Variants in NTRK2 observed in about 807,000 individuals in gnomAD.
NTRK2 encodes the protein BDNF/NT-3 growth factors receptor.
NTRK2 carries 13 observed loss-of-function variants against 94.5 expected under a neutral mutation model. That is an observed-to-expected ratio of 0.14 (90% CI 0.09 to 0.22). The LOEUF (loss-of-function observed/expected upper bound fraction) is 0.22, where lower values mean the gene tolerates loss of function less well. Among genes scored for constraint, NTRK2 ranks in the 10% least tolerant of loss-of-function variants. NTRK2 has a pLI of 1.00. For missense variants in NTRK2, 639 were observed against 1,071.2 expected (o/e 0.60, Z 5.63); for synonymous variants, 372 against 407.4 (o/e 0.91, Z 1.05).
At chr9:84,668,641 C>G (rs932903653), upstream of NTRK2, 3 of 152,274 alleles carry the variant, frequency 2.0e-5, no homozygotes, top group Non-Finnish European at 4.4e-5. Context: ...CCCGACCCTC[C>G]CGGATCGCCT....
chr9:84,699,628 G>A (rs775664559), intron 2 of NTRK2, among the ~76,000 whole-genome samples: 15 of 149,706 alleles, frequency 1.0e-4, no homozygotes, highest in South Asian at 2.1e-4. Flanking sequence ...TTGGACACTG[G>A]TGACTAGAAA....
chr9:84,850,082 A>G (rs1383683757), intron 12 of NTRK2, among the ~76,000 whole-genome samples: 2 of 152,332 alleles, frequency 1.3e-5, no homozygotes, highest in East Asian at 3.9e-4. Flanking sequence ...CCAAATGTCA[A>G]TGGAGGTATT....
chr9:84,798,784 C>T (rs144330507), intron 12 of NTRK2, among the ~76,000 whole-genome samples: 30 of 152,168 alleles, frequency 2.0e-4, no homozygotes, highest in African/African-American at 7.2e-4. Flanking sequence ...CTGTTTCATT[C>T]ATTTGCAACT....
intron 14 of NTRK2, among the ~76,000 whole-genome samples, chr9:84,870,524 T>C (rs1252536446): frequency 6.6e-6 from 1 of 151,002 alleles, no homozygotes; most frequent in Non-Finnish European, 1.5e-5. Flanking sequence ...TTTTTCGTTT[T>C]CATTTTTTGT....
chr9:84,831,577 C>T (rs751977258), intron 12 of NTRK2, among the ~76,000 whole-genome samples: 3 of 152,198 alleles, frequency 2.0e-5, no homozygotes, highest in Non-Finnish European at 2.9e-5. Context: ...ATCCTCACAA[C>T]ATTCCTGTGA....
Position 84,804,739 on chromosome 9 carries a change from A to G in NTRK2, c.1396+52654A>G, listed in dbSNP as rs2070907138. 2.6e-5 allele frequency among the ~76,000 whole-genome samples: 4 copies of G among 152,344 alleles called. 1 individual carries two copies. The South Asian group carries it at 8.3e-4, about 32-fold the overall frequency. ...ATTGCTTATCTGTACTGACTATTTG[A>G]ATCACTGATAAGCCCCTCTAGACTT... On this transcript the variant is annotated intron_variant, in intron 12 of 18. Coordinates refer to ENST00000277120, the MANE Select transcript of NTRK2 (RefSeq NM_006180.6).
chr9:84,802,458 A>G (rs35353212), intron 12 of NTRK2, among the ~76,000 whole-genome samples: 7,157 of 152,322 alleles, frequency 0.047, 239 homozygotes, highest in Non-Finnish European at 0.069. Flanking sequence ...GTTGCTGTGT[A>G]AAACCACTGA....
intron 8 of NTRK2, among the ~76,000 whole-genome samples, chr9:84,726,985 C>T (rs1446265092): frequency 1.3e-5 from 2 of 152,150 alleles, no homozygotes; most frequent in African/African-American, 4.8e-5. Flanking sequence ...GGACCCCAAA[C>T]ATTTAAAAGA....
At chr9:84,910,936 T>A (rs1207021578) in intron 14 of NTRK2, among the ~76,000 whole-genome samples, 1 of 152,232 alleles carries the variant, frequency 6.6e-6, no homozygotes, top group African/African-American at 2.4e-5. Flanking sequence ...TACAAAAGAT[T>A]TCACTGGGAT....
chr9:84,690,658 G>A (rs1205073837), intron 2 of NTRK2, among the ~76,000 whole-genome samples: 3 of 151,838 alleles, frequency 2.0e-5, no homozygotes, highest in Non-Finnish European at 2.9e-5. Flanking sequence ...GGTGGAGCTT[G>A]CAGTGAGCCA....
chr9:84,947,201 C>T (rs2078627226), intron 15 of NTRK2, among the ~76,000 whole-genome samples: 1 of 152,128 alleles, frequency 6.6e-6, no homozygotes, highest in Non-Finnish European at 1.5e-5. Flanking sequence ...GGTGATCTGC[C>T]CGCCTCAGCC....
At chr9:84,928,552 T>C (rs1485453992) in intron 14 of NTRK2, among the ~76,000 whole-genome samples, 1 of 152,188 alleles carries the variant, frequency 6.6e-6, no homozygotes, top group Non-Finnish European at 1.5e-5. Flanking sequence ...TGAATCAGTG[T>C]CCTCTATTTC....
At chr9:84,752,427 A>G (rs2064714104) in intron 12 of NTRK2, among the ~76,000 whole-genome samples, 1 of 152,212 alleles carries the variant, frequency 6.6e-6, no homozygotes, top group Admixed American at 6.5e-5. Context: ...ACCTGGACAC[A>G]TGTATTTTGT....
At chr9:84,737,068 C>T (rs2063313005) in intron 9 of NTRK2, among the ~76,000 whole-genome samples, 1 of 152,166 alleles carries the variant, frequency 6.6e-6, no homozygotes, top group Non-Finnish European at 1.5e-5. Context: ...ATCACATGAT[C>T]ACATTAAATA....
intron 14 of NTRK2, chr9:84,874,382 A>G (rs2075989852): frequency 9.4e-7 from 1 of 1,065,284 alleles, no homozygotes; most frequent in African/African-American, 1.6e-5. Context: ...TCCCTGGGAA[A>G]TGCAGCTTTT....
At chr9:84,741,806 T>C in intron 9 of NTRK2, 86 bp from the exon 10 acceptor site, 2 of 1,142,804 alleles carry the variant, frequency 1.8e-6, no homozygotes, top group Non-Finnish European at 1.3e-6. Flanking sequence ...TCAGTGTATG[T>C]CTAGCTTATT....
chr9:84,944,908 C>T (rs1360960435), intron 15 of NTRK2, among the ~76,000 whole-genome samples: 1 of 152,222 alleles, frequency 6.6e-6, no homozygotes, highest in East Asian at 1.9e-4. Flanking sequence ...CCTTGTGTCC[C>T]TGTGGAGTAG....
chr9:84,803,783 A>C (rs2133427337), intron 12 of NTRK2, among the ~76,000 whole-genome samples: 1 of 152,308 alleles, frequency 6.6e-6, no homozygotes, highest in East Asian at 1.9e-4. Flanking sequence ...GGGGATTATT[A>C]GCCCCACATA....
At chr9:84,690,955 A>G (rs938209673) in intron 2 of NTRK2, among the ~76,000 whole-genome samples, 1 of 152,280 alleles carries the variant, frequency 6.6e-6, no homozygotes, top group African/African-American at 2.4e-5. Context: ...TTTCATCAGT[A>G]TTTGAATAAC....
Sources: gnomAD v4.1 joint callset for allele counts (sites outside exome capture counted in the v4.1 genomes callset) on GRCh38, gnomAD v4.1.1 for gene constraint, MANE v1.5 for transcripts, NCBI Gene and HGNC (gene_info 2026-07-23, HGNC 2026-07-21) for gene names.